Variants in ZNF184 observed in about 807,000 individuals in gnomAD.
The protein encoded by ZNF184 is zinc finger protein 184, also known as zinc finger protein 184 (Kruppel-like).
Under a neutral mutation model 54.4 loss-of-function variants are expected in ZNF184, and 16 were observed. The ratio of observed to expected loss-of-function variants is 0.29; its 90% CI spans 0.20 to 0.45. The LOEUF is 0.45. Among genes scored for constraint, ZNF184 ranks in the 20% least tolerant of loss-of-function variants. ZNF184 has a pLI of 1.00. For missense variants in ZNF184, 681 were observed against 888.2 expected (o/e 0.77, Z 2.97); for synonymous variants, 254 against 295.3 (o/e 0.86, Z 1.43).
chr6:27,412,213 T>C, the ZNF184 span, among the ~76,000 whole-genome samples: 4 of 152,242 alleles, frequency 2.6e-5, no homozygotes, highest in Non-Finnish European at 4.4e-5. Flanking sequence ...CTAGGAAACA[T>C]AGTCTGCGAG....
In ZNF184 at chr6:27,465,303, G is replaced by T. The variant is rs568180206; in HGVS notation, c.75+2550C>A. Among the ~76,000 whole-genome samples, 67 of 150,778 alleles carry T rather than the reference G, an allele frequency of 4.4e-4. 1 individual carries two copies. Among genetic ancestry groups the T allele is most frequent in the African/African-American group, 1.5e-3 (63 of 41,142 alleles). ...ATCGAGACCATCCTGGCTAACACAG[G>T]GAAACCCTGTCTCGACTAAAAATAC... On this transcript the variant is annotated intron_variant, in intron 3 of 5. Coordinates refer to ENST00000683788, the MANE Select transcript of ZNF184 (RefSeq NM_001318891.2).
At position 27,472,197 on chromosome 6, in the gene ZNF184, TCTC is replaced by T. The variant is rs1237815672; in HGVS notation, c.7+88_7+90del. The T allele has an allele frequency of 3.9e-6, 6 of 1,542,914 alleles. No individual in the cohort carries two copies. Among genetic ancestry groups the T allele is most frequent in the South Asian group, 1.2e-5 (1 of 85,154 alleles). On this transcript the variant is annotated intron_variant, in intron 2 of 5. Transcript: ENST00000683788. This position sits in a 1 kb window ranked among gnomAD's most constrained non-coding sequence, Gnocchi z 4.8. Reference sequence around the variant, plus strand: ...AAGCATACCGTTCCTTCCTTCCAAATCTCCTGCTCTGATCTCAAGTATTTGATA... The same window carrying T: ...AAGCATACCGTTCCTTCCTTCCAAATCTGCTCTGATCTCAAGTATTTGATA...
At position 27,457,336 on chromosome 6, in the gene ZNF184, C is replaced by T; in HGVS notation, c.149G>A (p.Arg50Lys). ...EEWKQLDPGQRDLFRDVTLEN... is the reference protein window; with the variant it reads ...EEWKQLDPGQKDLFRDVTLEN... ...CAATGTCACATCCCTGAACAAATCT[C>T]TCTGGCCAGGGTCCAGCTGTTTCCA... Residue 50 changes from arginine (R) to lysine (K), a missense_variant, in exon 4 of 6, where the codon AGA (arginine) becomes AAA (lysine). Coordinates refer to ENST00000683788, the MANE Select transcript of ZNF184 (RefSeq NM_001318891.2). 1 of 1,614,110 alleles carries T rather than the reference C, an allele frequency of 6.2e-7. No homozygotes were observed. The highest frequency in any genetic ancestry group is 8.5e-7 in the Non-Finnish European group (1 of 1,180,008).
chr6:27,471,844 A>C (rs1189915130), intron 2 of ZNF184, among the ~76,000 whole-genome samples: 1 of 152,226 alleles, frequency 6.6e-6, no homozygotes, highest in Non-Finnish European at 1.5e-5. Flanking sequence ...CTAAAAAAGA[A>C]AGCCAACAAG....
At chr6:27,422,151 AGAAAGAAAGAAAGAAAGAAAGAAAGAAAG>A in the ZNF184 span, among the ~76,000 whole-genome samples, 3 of 89,618 alleles carry the variant, frequency 3.3e-5, no homozygotes, top group African/African-American at 1.5e-4. Flanking sequence ...AAAAAAAAAA[AGAAAGAAAGAAAGAAAGAAAGAAAGAAAG>A]AAAGAAAGAA....
At chr6:27,408,383 TGAA>T in the ZNF184 span, among the ~76,000 whole-genome samples, 9,349 of 152,288 alleles carry the variant, frequency 0.061, 345 homozygotes, top group Non-Finnish European at 0.084. Flanking sequence ...TCAGTAACAG[TGAA>T]GGAGTGGAGT....
intron 5 of ZNF184, among the ~76,000 whole-genome samples, chr6:27,455,362 T>A (rs1762828519): frequency 6.6e-6 from 1 of 152,220 alleles, no homozygotes; most frequent in South Asian, 2.1e-4. Context: ...TTTGCCTAAA[T>A]AAATCTTTCT....
the ZNF184 span, among the ~76,000 whole-genome samples, chr6:27,425,310 C>T: frequency 6.6e-5 from 10 of 152,350 alleles, no homozygotes; most frequent in Admixed American, 3.3e-4. Flanking sequence ...TCCCCAAGTG[C>T]CGCCAAAGTG....
At chr6:27,455,174 G>C (rs1293119461) in intron 5 of ZNF184, among the ~76,000 whole-genome samples, 1 of 152,156 alleles carries the variant, frequency 6.6e-6, no homozygotes, top group Admixed American at 6.5e-5. Context: ...TCTAGATGCT[G>C]ATAAAGATAG....
the ZNF184 span, among the ~76,000 whole-genome samples, chr6:27,439,827 T>C: frequency 6.6e-6 from 1 of 152,238 alleles, no homozygotes; most frequent in Admixed American, 6.5e-5. Flanking sequence ...TCCACAGTTT[T>C]AGACATCCAC....
chr6:27,405,999 A>G, the ZNF184 span: 1 of 152,198 alleles, frequency 6.6e-6, no homozygotes, highest in African/African-American at 2.4e-5. Context: ...CATCATCCCA[A>G]TCCCAGGCAA....
chr6:27,451,763 A>T lies in ZNF184; in HGVS notation c.1796T>A (p.Ile599Lys). The change falls in exon 6 of 6, where the codon ATA becomes AAA. Residue 599 changes from isoleucine to lysine, a missense_variant. Transcript: ENST00000683788. Reference protein sequence around the residue: ...NECGRAFNQNIHLTQHKRIHT... With the variant: ...NECGRAFNQNKHLTQHKRIHT... ...AATTCTCTTATGCTGTGTAAGGTGT[A>T]TGTTCTGGTTGAATGCTCTCCCACA... is the stretch of plus-strand genomic sequence containing the variant. 6.2e-7 allele frequency: 1 copy of T among 1,613,998 alleles called. No individual in the cohort carries two copies. The highest frequency in any genetic ancestry group is 8.5e-7 in the Non-Finnish European group (1 of 1,179,972).
intron 2 of ZNF184, among the ~76,000 whole-genome samples, 180 bp from the exon 3 acceptor site, chr6:27,468,100 G>A (rs1763187567): frequency 6.6e-6 from 1 of 152,186 alleles, no homozygotes; most frequent in Non-Finnish European, 1.5e-5. Flanking sequence ...AGTAGGCTCA[G>A]GAGGTAAAGC....
At chr6:27,442,842 G>GA in the ZNF184 span, among the ~76,000 whole-genome samples, 31 of 55,320 alleles carry the variant, frequency 5.6e-4, 1 homozygote, top group South Asian at 8.7e-4. Context: ...AAGAAAGAAA[G>GA]AAAGAAAGAA....
the ZNF184 span, among the ~76,000 whole-genome samples, chr6:27,424,530 G>A: frequency 6.6e-6 from 1 of 152,180 alleles, no homozygotes; most frequent in Admixed American, 6.5e-5. Flanking sequence ...CTCCCCACCA[G>A]ATTAGTTAGA....
downstream of ZNF184, among the ~76,000 whole-genome samples, chr6:27,446,690 A>AT (rs1762640471): frequency 2.0e-5 from 3 of 152,224 alleles, no homozygotes. Flanking sequence ...GGGTAACAGC[A>AT]TGCAACACCA....
At chr6:27,406,018 T>C in the ZNF184 span, 1 of 152,136 alleles carries the variant, frequency 6.6e-6, no homozygotes, top group Non-Finnish European at 1.5e-5. Flanking sequence ...AAGAGGGGTG[T>C]TGTGGCCTCC....
the ZNF184 span, among the ~76,000 whole-genome samples, chr6:27,414,232 A>G: frequency 6.6e-6 from 1 of 152,130 alleles, no homozygotes; most frequent in African/African-American, 2.4e-5. Context: ...ACTATTGCCT[A>G]ACTTATCTCT....
chr6:27,469,817 C>A (rs1164271781), intron 2 of ZNF184, among the ~76,000 whole-genome samples: 1 of 151,766 alleles, frequency 6.6e-6, no homozygotes, highest in Non-Finnish European at 1.5e-5. Flanking sequence ...GAATGTACAC[C>A]TGAAAAAAAG....
Sources: gnomAD v4.1 joint callset for allele counts (sites outside exome capture counted in the v4.1 genomes callset) on GRCh38, gnomAD v4.1.1 for gene constraint, Gnocchi (gnomAD v3.1) non-coding constraint, MANE v1.5 for transcripts, NCBI Gene and HGNC (gene_info 2026-07-23, HGNC 2026-07-21) for gene names.